CNTNAP4: variants seen among roughly 807,000 people sequenced by gnomAD.
CNTNAP4 encodes the protein contactin associated protein family member 4.
A neutral mutation model predicts 148.4 loss-of-function variants in CNTNAP4; 98 were observed. The observed-to-expected ratio is 0.66, with a 90% confidence interval of 0.56 to 0.78. The LOEUF is 0.78. CNTNAP4 is among the 30% of genes least tolerant of loss of function. CNTNAP4 has a pLI of 0.00. For synonymous variants in CNTNAP4, 730 were observed against 565.1 expected (o/e 1.29, Z -4.14); for missense variants, 1,935 against 1,565.6 (o/e 1.24, Z -3.98).
At chr16:76,307,493 A>AT (rs1162951710) in intron 1 of CNTNAP4, among the ~76,000 whole-genome samples, 1 of 122,952 alleles carries the variant, frequency 8.1e-6, no homozygotes, top group Admixed American at 9.3e-5. Flanking sequence ...CTAGATATCT[A>AT]TTTTAAATGC....
At chr16:76,440,149 A>G (rs1202469002) in intron 4 of CNTNAP4, among the ~76,000 whole-genome samples, 1 of 152,120 alleles carries the variant, frequency 6.6e-6, no homozygotes, top group Non-Finnish European at 1.5e-5. Context: ...ACCCCTTTCC[A>G]GTTGATGAAA....
Position 76,535,744 on chromosome 16 carries a change from C to G in CNTNAP4, c.2955C>G (p.Asp985Glu), listed in dbSNP as rs1046510534. 1 of 1,613,922 alleles carries G rather than the reference C, an allele frequency of 6.2e-7. No homozygotes were observed. The highest frequency in any genetic ancestry group is 1.1e-5 in the South Asian group (1 of 91,060). Reference protein sequence around the residue: ...CRERPIGFFCDCTFSAYTGPF... With the variant: ...CRERPIGFFCECTFSAYTGPF... ...AAAGACCCATTGGGTTCTTTTGTGA[C>G]TGCACTTTCTCTGCATACACAGGGC... The change falls in exon 18 of 24, where the codon GAC (aspartate) becomes GAG (glutamate). Residue 985 changes from aspartate to glutamate, a missense_variant. By Grantham distance (45) the Asp-to-Glu change is conservative. Coordinates refer to ENST00000611870, the MANE Select transcript of CNTNAP4 (RefSeq NM_033401.5).
intron 1 of CNTNAP4, among the ~76,000 whole-genome samples, chr16:76,295,208 G>A (rs1386519140): frequency 6.6e-6 from 1 of 152,164 alleles, no homozygotes; most frequent in Admixed American, 6.5e-5. Context: ...GAATAGGACA[G>A]CTAGATGAGG....
chr16:76,311,061 G>C (rs757265467), intron 1 of CNTNAP4, among the ~76,000 whole-genome samples: 2 of 152,082 alleles, frequency 1.3e-5, no homozygotes, highest in African/African-American at 4.8e-5. Flanking sequence ...TGCATGTAAA[G>C]CACTGAGAAC....
intron 10 of CNTNAP4, among the ~76,000 whole-genome samples, chr16:76,475,725 A>G (rs530395235): frequency 6.6e-6 from 1 of 152,334 alleles, no homozygotes; most frequent in East Asian, 1.9e-4. Context: ...GTTGAAAATT[A>G]AGCAGTCACA....
At chr16:76,547,213 A>G (rs562979927) in intron 21 of CNTNAP4, among the ~76,000 whole-genome samples, 2 of 152,368 alleles carry the variant, frequency 1.3e-5, no homozygotes, top group East Asian at 3.9e-4. Flanking sequence ...AAATATACAG[A>G]TACAAAGTTG....
At position 76,553,499 on chromosome 16, in the gene CNTNAP4, C is replaced by T; in HGVS notation, c.3659C>T (p.Ala1220Val). 6.2e-7 allele frequency: 1 copy of T among 1,605,066 alleles called. No homozygotes were observed. The highest frequency in any genetic ancestry group is 8.5e-7 in the Non-Finnish European group (1 of 1,174,390). Residue 1220 changes from alanine (A) to valine (V), a missense_variant and splice_region_variant, in exon 22 of 24, where the codon GCA becomes GTA. Ala to Val is a moderately conservative substitution (Grantham distance 64). Coordinates refer to ENST00000611870, the MANE Select transcript of CNTNAP4 (RefSeq NM_033401.5). ...ATSRERTHSF[A>V]DHSGTIDDRE... ...TCAAGGGAAAGGACACACTCGTTTGCAGGTGACTTAGAGTTCTTCCTCTAC... is the reference window on the plus strand; with the variant it reads ...TCAAGGGAAAGGACACACTCGTTTGTAGGTGACTTAGAGTTCTTCCTCTAC...
At chr16:76,281,712 G>A (rs1469098544) in intron 1 of CNTNAP4, among the ~76,000 whole-genome samples, 1 of 151,856 alleles carries the variant, frequency 6.6e-6, no homozygotes, top group African/African-American at 2.4e-5. Context: ...AACTCAGGTT[G>A]GTAAACTGTG....
chr16:76,546,603 A>G (rs1217594355), intron 21 of CNTNAP4, among the ~76,000 whole-genome samples: 2 of 152,240 alleles, frequency 1.3e-5, no homozygotes, highest in Non-Finnish European at 2.9e-5. Context: ...GGCCAATTGT[A>G]TAATTATTTC....
At chr16:76,540,819 A>G in intron 21 of CNTNAP4, 29 bp downstream of exon 21, 2 of 1,456,472 alleles carry the variant, frequency 1.4e-6, no homozygotes, top group South Asian at 2.4e-5. Context: ...CTTTCCCCTA[A>G]CCATGCTAAT....
At chr16:76,389,070 T>C (rs925021699) in intron 3 of CNTNAP4, among the ~76,000 whole-genome samples, 16 of 152,230 alleles carry the variant, frequency 1.1e-4, no homozygotes, top group Non-Finnish European at 2.4e-4. Context: ...CTGTCTAGTA[T>C]ATAATAGAGT....
At chr16:76,319,884 A>G (rs1346395602) in intron 2 of CNTNAP4, among the ~76,000 whole-genome samples, 2 of 152,178 alleles carry the variant, frequency 1.3e-5, no homozygotes, top group Non-Finnish European at 2.9e-5. Flanking sequence ...GAGAGAATAA[A>G]CTTGCATTCT....
At chr16:76,527,737 A>T (rs1327630422) in intron 17 of CNTNAP4, among the ~76,000 whole-genome samples, 2 of 152,164 alleles carry the variant, frequency 1.3e-5, no homozygotes, top group African/African-American at 4.8e-5. Context: ...AATATAGTAG[A>T]TTTGTCACAA....
chr16:76,456,197 C>T (rs755344675), intron 8 of CNTNAP4, among the ~76,000 whole-genome samples: 8 of 152,132 alleles, frequency 5.3e-5, no homozygotes, highest in Non-Finnish European at 1.2e-4. Context: ...TATTGCAACA[C>T]AGAGAACACA....
intron 1 of CNTNAP4, among the ~76,000 whole-genome samples, chr16:76,314,029 A>T (rs1235592294): frequency 6.6e-6 from 1 of 152,232 alleles, no homozygotes; most frequent in Non-Finnish European, 1.5e-5. Flanking sequence ...TTCATGATAC[A>T]CATGAGATTA....
At chr16:76,507,482 T>G (rs2082872883) in intron 15 of CNTNAP4, among the ~76,000 whole-genome samples, 1 of 97,810 alleles carries the variant, frequency 1.0e-5, no homozygotes, top group African/African-American at 2.6e-5. Flanking sequence ...AATGTTTGTC[T>G]TTCTGTACCT....
chr16:76,453,354 G>T (rs993710705), intron 8 of CNTNAP4, among the ~76,000 whole-genome samples: 3 of 152,126 alleles, frequency 2.0e-5, no homozygotes, highest in Non-Finnish European at 4.4e-5. Context: ...AGGCAATACG[G>T]TATTGTTTTA....
At chr16:76,414,691 G>C (rs1004272063) in intron 3 of CNTNAP4, among the ~76,000 whole-genome samples, 9 of 151,360 alleles carry the variant, frequency 5.9e-5, no homozygotes, top group Non-Finnish European at 1.3e-4. Context: ...AATTATGCAT[G>C]TAATCTAACA....
chr16:76,343,004 T>C (rs1038673387), intron 2 of CNTNAP4, among the ~76,000 whole-genome samples: 1 of 152,160 alleles, frequency 6.6e-6, no homozygotes, highest in African/African-American at 2.4e-5. Context: ...TGCCACATTC[T>C]CTGTGGTAAC....
Sources: gnomAD v4.1 joint callset for allele counts (sites outside exome capture counted in the v4.1 genomes callset) on GRCh38, gnomAD v4.1.1 for gene constraint, MANE v1.5 for transcripts, NCBI Gene and HGNC (gene_info 2026-07-23, HGNC 2026-07-21) for gene names.